The following AGBL1 variants were observed in gnomAD, a reference collection of about 807,000 sequenced individuals.
AGBL1 encodes the protein cytosolic carboxypeptidase 4.
A neutral mutation model predicts 118.9 loss-of-function variants in AGBL1; 130 were observed. The observed-to-expected ratio is 1.09, with a 90% CI of 0.95 to 1.26. AGBL1 has a LOEUF of 1.26. Among genes scored for constraint, AGBL1 ranks in the 50% most tolerant of loss-of-function variants. The probability of loss-of-function intolerance (pLI) is 0.00; values close to 1 mark genes in which losing one functional copy is unlikely to be tolerated. For synonymous variants in AGBL1, 555 were observed against 478.9 expected, an observed-to-expected ratio of 1.16 and a Z score of -2.08; for missense variants, 1,584 against 1,298.1, an observed-to-expected ratio of 1.22 and a Z score of -3.38.
At chr15:86,698,791 C>A (rs1449207262) in intron 22 of AGBL1, among the ~76,000 whole-genome samples, 1 of 151,598 alleles carries the variant, frequency 6.6e-6, no homozygotes, top group Non-Finnish European at 1.5e-5. Context: ...ACGTGAAATG[C>A]CATTCTGAGA....
chr15:86,616,570 T>A (rs2084729678), intron 21 of AGBL1, among the ~76,000 whole-genome samples: 1 of 152,126 alleles, frequency 6.6e-6, no homozygotes, highest in South Asian at 2.1e-4. Context: ...CTGATTTTGT[T>A]ATTGATTTAA....
intron 17 of AGBL1, among the ~76,000 whole-genome samples, chr15:86,388,485 C>G (rs975935194): frequency 6.6e-6 from 1 of 152,110 alleles, no homozygotes; most frequent in Non-Finnish European, 1.5e-5. Flanking sequence ...TTTAGTGCAG[C>G]AAAGACTTAG....
At chr15:86,600,750 C>T (rs368563587) in intron 21 of AGBL1, among the ~76,000 whole-genome samples, 5 of 152,208 alleles carry the variant, frequency 3.3e-5, no homozygotes, top group East Asian at 1.9e-4. Flanking sequence ...AAACAATTCC[C>T]GAATCTGCTT....
At chr15:86,183,964 C>T (rs2077588122) in intron 5 of AGBL1, among the ~76,000 whole-genome samples, 1 of 152,208 alleles carries the variant, frequency 6.6e-6, no homozygotes, top group Non-Finnish European at 1.5e-5. Flanking sequence ...TAATCCTCAG[C>T]ACACTCGTGC....
At chr15:86,767,003 T>G (rs914232363) in intron 22 of AGBL1, among the ~76,000 whole-genome samples, 13 of 151,906 alleles carry the variant, frequency 8.6e-5, no homozygotes, top group African/African-American at 3.1e-4. Flanking sequence ...AGATTAAAAT[T>G]TAAGTAGGAA....
intron 21 of AGBL1, among the ~76,000 whole-genome samples, chr15:86,662,295 A>T (rs1315380172): frequency 6.6e-6 from 1 of 152,232 alleles, no homozygotes; most frequent in Non-Finnish European, 1.5e-5. Flanking sequence ...TTTATGGGGC[A>T]TTTACTCTGT....
In AGBL1 at chr15:86,912,095, A is replaced by C. The variant is rs1041549444; in HGVS notation, c.*4801A>C. The stretch of plus-strand genomic sequence containing the variant: ...AATGAAATCTCACTTATTTTCCTTA[A>C]ATCCCTCCGTTTTCCATCTCAAAGA... On this transcript the variant is annotated 3_prime_UTR_variant, in exon 23 of 23. Transcript: ENST00000614907. 2 of 152,164 alleles carry C rather than the reference A, an allele frequency of 1.3e-5. No individual in the cohort carries two copies. The highest frequency in any genetic ancestry group is 4.8e-5 in the African/African-American group (2 of 41,422). The allele number at this position is 152,164 out of a possible 1,614,324, so 9.4% of individuals were successfully genotyped here.
intron 1 of AGBL1, among the ~76,000 whole-genome samples, chr15:86,137,349 C>G (rs937446680): frequency 4.6e-5 from 7 of 152,200 alleles, no homozygotes; most frequent in African/African-American, 1.7e-4. Context: ...AACTTCTTTC[C>G]TATTTTTCAA....
intron 17 of AGBL1, among the ~76,000 whole-genome samples, chr15:86,373,920 C>T (rs931215999): frequency 6.6e-6 from 1 of 152,176 alleles, no homozygotes; most frequent in Non-Finnish European, 1.5e-5. Flanking sequence ...AAATACAGGG[C>T]TTGCTGTATA....
intron 22 of AGBL1, among the ~76,000 whole-genome samples, chr15:86,869,740 G>C (rs2079692325): frequency 6.6e-6 from 1 of 152,118 alleles, no homozygotes; most frequent in Non-Finnish European, 1.5e-5. Context: ...TACACATGCT[G>C]ACAAGGAGGG....
chr15:86,793,336 C>A (rs953349356), intron 22 of AGBL1, among the ~76,000 whole-genome samples: 2 of 152,172 alleles, frequency 1.3e-5, no homozygotes, highest in African/African-American at 4.8e-5. Flanking sequence ...TAAACCCATA[C>A]ATCTATGGTC....
chr15:86,543,957 T>C (rs935017946), intron 19 of AGBL1, among the ~76,000 whole-genome samples: 2 of 152,210 alleles, frequency 1.3e-5, no homozygotes, highest in African/African-American at 4.8e-5. Context: ...ATATAGAAAC[T>C]ATAATGGAAT....
At chr15:86,246,974 C>G (rs2078730717) in intron 6 of AGBL1, among the ~76,000 whole-genome samples, 2 of 152,184 alleles carry the variant, frequency 1.3e-5, no homozygotes, top group Admixed American at 1.3e-4. Flanking sequence ...TCTCTCCTCC[C>G]ACACTATTAT....
intron 18 of AGBL1, among the ~76,000 whole-genome samples, chr15:86,521,606 C>A (rs944741886): frequency 6.6e-6 from 1 of 152,092 alleles, no homozygotes; most frequent in Non-Finnish European, 1.5e-5. Context: ...GCAGATTGAT[C>A]CCCTAAACGT....
chr15:86,884,529 T>C (rs2079942246), intron 22 of AGBL1, among the ~76,000 whole-genome samples: 1 of 152,218 alleles, frequency 6.6e-6, no homozygotes, highest in Non-Finnish European at 1.5e-5. Flanking sequence ...AAACAAACTA[T>C]AGGCTGGGTG....
At chr15:86,666,074 G>A (rs912789212) in intron 21 of AGBL1, among the ~76,000 whole-genome samples, 1 of 151,988 alleles carries the variant, frequency 6.6e-6, no homozygotes, top group Non-Finnish European at 1.5e-5. Flanking sequence ...CTTCCAGAGG[G>A]GAATTTGTTT....
intron 1 of AGBL1, among the ~76,000 whole-genome samples, chr15:86,117,371 A>G (rs2141565906): frequency 6.6e-6 from 1 of 152,172 alleles, no homozygotes; most frequent in Middle Eastern, 3.4e-3. Flanking sequence ...AAGAAGTCTG[A>G]GTGTGTAAGG....
At chr15:86,468,010 C>T (rs1204826391) in intron 18 of AGBL1, among the ~76,000 whole-genome samples, 2 of 152,058 alleles carry the variant, frequency 1.3e-5, no homozygotes, top group Non-Finnish European at 2.9e-5. Flanking sequence ...CTTTTACTAG[C>T]ATGTTTCTGC....
At chr15:86,247,361 T>C (rs1337110683) in intron 6 of AGBL1, among the ~76,000 whole-genome samples, 1 of 151,722 alleles carries the variant, frequency 6.6e-6, no homozygotes, top group Non-Finnish European at 1.5e-5. Flanking sequence ...TTGTAGCATG[T>C]CCTTCATTTT....
Sources: allele counts gnomAD v4.1 joint callset (sites outside exome capture counted in the v4.1 genomes callset), GRCh38; gene constraint gnomAD v4.1.1; transcripts MANE v1.5; gene names NCBI Gene and HGNC (gene_info 2026-07-23, HGNC 2026-07-21).